Variants in RASGRP3 observed in about 807,000 individuals in gnomAD.
RASGRP3 encodes RAS guanyl releasing protein 3.
RASGRP3 carries 54 observed loss-of-function variants against 82.7 expected under a neutral mutation model. The ratio of observed to expected loss-of-function variants is 0.65; its 90% CI spans 0.52 to 0.82. RASGRP3 has a LOEUF of 0.82. Ranked by LOEUF, RASGRP3 falls within the 40% of genes least tolerant of loss-of-function variation. The pLI, the probability that RASGRP3 is intolerant of heterozygous loss-of-function variation, is 0.00. For synonymous variants in RASGRP3, 309 were observed against 300.5 expected (o/e 1.03, Z -0.29); for missense variants, 861 against 828.9 (o/e 1.04, Z -0.48).
chr2:33,440,727 T>C (rs1444313413), intron 1 of RASGRP3, among the ~76,000 whole-genome samples: 1 of 152,206 alleles, frequency 6.6e-6, no homozygotes, highest in East Asian at 1.9e-4. Context: ...TTTCCCTTGG[T>C]CATCTGGTGA....
At position 33,522,001 on chromosome 2, in the gene RASGRP3, T is replaced by C. The variant is rs746397814; in HGVS notation, c.415T>C (p.Ser139Pro). Reference protein sequence around the residue: ...MRRVTQRKKVSKKGKACLLFD... With the variant: ...MRRVTQRKKVPKKGKACLLFD... ...AAGAGTCACACAGAGGAAAAAAGTA[T>C]CCAAGAAGGGAAAAGCCTGTCTGCT... Residue 139 changes from serine (S) to proline (P), a missense_variant, in exon 7 of 18, where the codon TCC becomes CCC. Physicochemically the swap from Ser to Pro is moderately conservative, Grantham distance 74. Coordinates refer to ENST00000403687, the MANE Select transcript of RASGRP3 (RefSeq NM_001139488.2). 1.5e-5 allele frequency: 25 copies of C among 1,613,784 alleles called. No individual in the cohort carries two copies. Among genetic ancestry groups the C allele is most frequent in the South Asian group, 7.7e-5 (7 of 91,068 alleles).
chr2:33,534,072 T>A, intron 10 of RASGRP3: 1 of 490,436 alleles, frequency 2.0e-6, no homozygotes, highest in Non-Finnish European at 3.7e-6. Context: ...ACTGAGCACC[T>A]GGGAGCTGCT....
intron 2 of RASGRP3, among the ~76,000 whole-genome samples, chr2:33,453,005 C>A (rs1372541348): frequency 2.6e-5 from 4 of 152,176 alleles, no homozygotes; most frequent in African/African-American, 9.7e-5. Flanking sequence ...GTTCAGTTCA[C>A]TCTCCTTCCC....
At chr2:33,460,517 T>G (rs1489595865) in intron 2 of RASGRP3, among the ~76,000 whole-genome samples, 1 of 121,754 alleles carries the variant, frequency 8.2e-6, no homozygotes, top group Non-Finnish European at 1.7e-5. Flanking sequence ...TTAGATATAA[T>G]TTTTTTTTTT....
chr2:33,522,135 A>G, intron 7 of RASGRP3, 33 bp downstream of exon 7: 3 of 1,579,782 alleles, frequency 1.9e-6, no homozygotes, highest in Non-Finnish European at 2.6e-6. Context: ...TTCCAAGGAT[A>G]ACAACCACCA....
At chr2:33,520,035 A>G (rs1671871534) in intron 5 of RASGRP3, 21 bp downstream of exon 5, 3 of 1,550,542 alleles carry the variant, frequency 1.9e-6, no homozygotes, top group South Asian at 1.2e-5. Flanking sequence ...TTACAAATTT[A>G]ATTTCTTGTA....
chr2:33,520,519 C>G (rs995994863), intron 5 of RASGRP3, 34 bp from the exon 6 acceptor site: 5 of 1,610,948 alleles, frequency 3.1e-6, no homozygotes, highest in Non-Finnish European at 2.5e-6. Flanking sequence ...AACTTGCAAT[C>G]TTCCAGCTGC....
chr2:33,475,273 A>C (rs939138465), upstream of RASGRP3, among the ~76,000 whole-genome samples: 4 of 152,234 alleles, frequency 2.6e-5, no homozygotes, highest in Admixed American at 2.0e-4. Flanking sequence ...CAAGTTGACA[A>C]CAAATTACTG....
intron 17 of RASGRP3, among the ~76,000 whole-genome samples, chr2:33,560,617 C>CCCTGTCTA (rs1312929224): frequency 2.0e-5 from 3 of 152,210 alleles, no homozygotes; most frequent in Non-Finnish European, 4.4e-5. Flanking sequence ...TTTCTGGATT[C>CCCTGTCTA]CCTGTCTAGT....
At chr2:33,469,486 A>C (rs1284866977) in intron 2 of RASGRP3, among the ~76,000 whole-genome samples, 2 of 146,622 alleles carry the variant, frequency 1.4e-5, no homozygotes, top group East Asian at 4.0e-4. Context: ...TTTGACATGG[A>C]GTCTCATTCT....
rs568926597 is a variant in RASGRP3 at position 33,534,497 on chromosome 2, G to C, written c.1161+97G>C. 2.3e-5 allele frequency: 19 copies of C among 814,160 alleles called. No homozygotes were observed. The African/African-American group carries it at 3.0e-4, about 13-fold the overall frequency. 50.4% of individuals were successfully genotyped at this position (814,160 alleles called of 1,614,324 possible). A position where few individuals can be genotyped will look rare whatever the true frequency, so the allele number is the denominator to read the frequency against. ...CAATGCTGCTTTATGTTCTAAAACGGAAGAATTTTAAAAATTGACATTATT... is the reference window on the plus strand; with the variant it reads ...CAATGCTGCTTTATGTTCTAAAACGCAAGAATTTTAAAAATTGACATTATT... On this transcript the variant is annotated intron_variant, in intron 11 of 17. Transcript: ENST00000403687.
upstream of RASGRP3, among the ~76,000 whole-genome samples, chr2:33,473,198 A>G (rs1558414907): frequency 6.6e-6 from 1 of 152,110 alleles, no homozygotes; most frequent in Non-Finnish European, 1.5e-5. Context: ...CCATGTTACT[A>G]CTAAAAATAC....
At chr2:33,527,889 G>A (rs763018946) in intron 10 of RASGRP3, among the ~76,000 whole-genome samples, 3 of 152,276 alleles carry the variant, frequency 2.0e-5, no homozygotes, top group Non-Finnish European at 2.9e-5. Flanking sequence ...TCTGGCATTC[G>A]AGGTTCTTGA....
chr2:33,557,570 T>A (rs931419992), intron 15 of RASGRP3, among the ~76,000 whole-genome samples: 6 of 151,756 alleles, frequency 4.0e-5, no homozygotes, highest in African/African-American at 1.5e-4. Context: ...ATTAGCCAGG[T>A]GTGGTGGCGG....
At chr2:33,556,477 G>T (rs1012060040) in intron 15 of RASGRP3, among the ~76,000 whole-genome samples, 1 of 88,676 alleles carries the variant, frequency 1.1e-5, no homozygotes. Context: ...TCGATCTCCT[G>T]ACCTCATGAT....
At chr2:33,544,067 A>G (rs977297362) in intron 13 of RASGRP3, among the ~76,000 whole-genome samples, 6 of 152,172 alleles carry the variant, frequency 3.9e-5, no homozygotes, top group Admixed American at 1.3e-4. Context: ...TAATCCCAGC[A>G]CTTTGGGAGG....
At chr2:33,548,426 C>A (rs1675038561) in intron 13 of RASGRP3, among the ~76,000 whole-genome samples, 1 of 148,556 alleles carries the variant, frequency 6.7e-6, no homozygotes, top group Admixed American at 6.7e-5. Context: ...GGCAGCAGGA[C>A]TGAAGAAGGG....
chr2:33,514,231 G>T (rs1442483464), intron 2 of RASGRP3, among the ~76,000 whole-genome samples: 2 of 152,098 alleles, frequency 1.3e-5, no homozygotes, highest in Admixed American at 6.6e-5. Context: ...AGTAGAATCT[G>T]TTACAGTTGT....
chr2:33,475,266 G>C (rs1667288247), upstream of RASGRP3, among the ~76,000 whole-genome samples: 1 of 152,194 alleles, frequency 6.6e-6, no homozygotes, highest in African/African-American at 2.4e-5. Flanking sequence ...ACTCTCACAA[G>C]TTGACAACAA....
Sources: gnomAD v4.1 joint callset for allele counts (sites outside exome capture counted in the v4.1 genomes callset) on GRCh38, gnomAD v4.1.1 for gene constraint, MANE v1.5 for transcripts, NCBI Gene and HGNC (gene_info 2026-07-23, HGNC 2026-07-21) for gene names.